LHFPL6: variants seen among roughly 807,000 people sequenced by gnomAD.
The protein encoded by LHFPL6 is LHFPL tetraspan subfamily member 6.
LHFPL6 carries 9 observed loss-of-function variants against 20.6 expected under a neutral mutation model. That is an observed-to-expected ratio of 0.44 (90% CI 0.26 to 0.76). LHFPL6 has a LOEUF of 0.76. LHFPL6 is among the 30% of genes least tolerant of loss of function. LHFPL6 has a pLI of 0.20. For synonymous variants in LHFPL6, 105 were observed against 98.7 expected, an observed-to-expected ratio of 1.06 and a Z score of -0.38; for missense variants, 218 against 253.5, an observed-to-expected ratio of 0.86 and a Z score of 0.95.
intron 2 of LHFPL6, among the ~76,000 whole-genome samples, chr13:39,598,587 GCT>G (rs899883926): frequency 6.6e-6 from 1 of 151,880 alleles, no homozygotes; most frequent in African/African-American, 2.4e-5. Flanking sequence ...ACAGAGTCTT[GCT>G]CTGTCGCCCA....
intron 2 of LHFPL6, among the ~76,000 whole-genome samples, chr13:39,544,353 T>C (rs979183006): frequency 6.6e-6 from 1 of 152,212 alleles, no homozygotes; most frequent in Admixed American, 6.5e-5. Context: ...TTTGACACCT[T>C]TCTAGCTCGT....
At chr13:39,510,159 C>T (rs935478718) in intron 2 of LHFPL6, among the ~76,000 whole-genome samples, 1 of 152,202 alleles carries the variant, frequency 6.6e-6, no homozygotes, top group Non-Finnish European at 1.5e-5. Flanking sequence ...ATATGCATTG[C>T]TCTGGAGTCC....
At position 39,386,612 on chromosome 13, in the gene LHFPL6, G is replaced by C. The variant is rs535549079; in HGVS notation, c.386-8086C>G. On this transcript the variant is annotated intron_variant, in intron 2 of 3. Transcript: ENST00000379589. ...ACCACCCATAATCTGAGTTCAACCA[G>C]AGACATGTTGTATTTGACCATCATC... is the stretch of plus-strand genomic sequence containing the variant. Among the ~76,000 whole-genome samples the C allele has an allele frequency of 2.0e-3, 307 of 152,314 alleles. 2 individuals are homozygous for C. Among genetic ancestry groups the C allele is most frequent in the African/African-American group, 6.8e-3 (281 of 41,568 alleles).
At position 39,360,419 on chromosome 13, in the gene LHFPL6, T is replaced by G. The variant is rs1426988217; in HGVS notation, c.485-16365A>C. Among the ~76,000 whole-genome samples the G allele has an allele frequency of 2.0e-5, 2 of 97,950 alleles. 1 individual carries two copies. Among genetic ancestry groups the G allele is most frequent in the African/African-American group, 6.0e-5 (2 of 33,404 alleles). The allele number at this position is 97,950 out of a possible 152,430, so 64.3% of individuals were successfully genotyped here. On this transcript the variant is annotated intron_variant, in intron 3 of 3. Coordinates refer to ENST00000379589, the MANE Select transcript of LHFPL6 (RefSeq NM_005780.3). ...TGCAGATGTGTTCATCAGTAAGAACTGACACACTCAAGCTATGGCATTAAG... is the reference window on the plus strand; with the variant it reads ...TGCAGATGTGTTCATCAGTAAGAACGGACACACTCAAGCTATGGCATTAAG...
intron 2 of LHFPL6, among the ~76,000 whole-genome samples, chr13:39,451,744 A>C (rs532318304): frequency 6.6e-6 from 1 of 152,362 alleles, no homozygotes; most frequent in Admixed American, 6.5e-5. Flanking sequence ...GGTTGAGCCA[A>C]ATAGATTCTC....
chr13:39,533,376 G>A (rs1055496272), intron 2 of LHFPL6, among the ~76,000 whole-genome samples: 1 of 152,158 alleles, frequency 6.6e-6, no homozygotes, highest in Non-Finnish European at 1.5e-5. Context: ...TTGAATCCAA[G>A]ATGGCAGCTC....
At chr13:39,459,657 T>TTATTTATCTCCCC (rs1325234535) in intron 2 of LHFPL6, among the ~76,000 whole-genome samples, 9 of 152,248 alleles carry the variant, frequency 5.9e-5, no homozygotes, top group Non-Finnish European at 1.0e-4. Context: ...TTATACACTC[T>TTATTTATCTCCCC]TATTTATCTC....
chr13:39,443,333 A>T (rs1872190400), intron 2 of LHFPL6, among the ~76,000 whole-genome samples: 2 of 152,194 alleles, frequency 1.3e-5, no homozygotes, highest in Non-Finnish European at 2.9e-5. Context: ...CTTAGCCTCC[A>T]GACCATGAGC....
intron 3 of LHFPL6, among the ~76,000 whole-genome samples, chr13:39,352,836 T>G (rs1869604546): frequency 8.0e-6 from 1 of 125,102 alleles, no homozygotes; most frequent in Non-Finnish European, 1.6e-5. Flanking sequence ...TATATATATG[T>G]GTATATATAT....
chr13:39,537,032 C>T (rs1250172781), intron 2 of LHFPL6, among the ~76,000 whole-genome samples: 24 of 152,210 alleles, frequency 1.6e-4, no homozygotes. Flanking sequence ...GGGCCTGTTC[C>T]TCTGCCCCTG....
At chr13:39,594,011 C>A (rs1872692516) in intron 2 of LHFPL6, among the ~76,000 whole-genome samples, 1 of 151,078 alleles carries the variant, frequency 6.6e-6, no homozygotes, top group Admixed American at 6.7e-5. Flanking sequence ...ACCATAAAAA[C>A]CCTAGAAGAA....
intron 2 of LHFPL6, among the ~76,000 whole-genome samples, chr13:39,454,200 A>G (rs549608836): frequency 1.6e-4 from 25 of 152,372 alleles, no homozygotes; most frequent in African/African-American, 6.0e-4. Context: ...CTATTTCTAT[A>G]GGACAGGTTA....
At chr13:39,425,688 C>A (rs1449274377) in intron 2 of LHFPL6, among the ~76,000 whole-genome samples, 1 of 152,084 alleles carries the variant, frequency 6.6e-6, no homozygotes, top group Non-Finnish European at 1.5e-5. Context: ...GATGAAGTGT[C>A]CAAATCTTTT....
chr13:39,423,510 A>G (rs1226187488), intron 2 of LHFPL6, among the ~76,000 whole-genome samples: 2 of 151,850 alleles, frequency 1.3e-5, no homozygotes, highest in Non-Finnish European at 2.9e-5. Context: ...TGCAACCTCC[A>G]TCTCTTGGGT....
intron 3 of LHFPL6, among the ~76,000 whole-genome samples, chr13:39,353,699 G>T (rs1423209899): frequency 6.6e-6 from 1 of 152,162 alleles, no homozygotes. Flanking sequence ...CTGAACTCCA[G>T]CCTGGGCAAC....
intron 2 of LHFPL6, among the ~76,000 whole-genome samples, chr13:39,424,897 T>C (rs1871597559): frequency 6.6e-6 from 1 of 152,196 alleles, no homozygotes; most frequent in Non-Finnish European, 1.5e-5. Flanking sequence ...TAAATTGTTT[T>C]AGACATTTTC....
At chr13:39,574,066 G>A (rs1488781782) in intron 2 of LHFPL6, among the ~76,000 whole-genome samples, 2 of 152,100 alleles carry the variant, frequency 1.3e-5, no homozygotes, top group East Asian at 1.9e-4. Flanking sequence ...AGATTTTGAC[G>A]CACCTGATCC....
chr13:39,447,870 A>G (rs1872334412), intron 2 of LHFPL6, among the ~76,000 whole-genome samples: 2 of 152,216 alleles, frequency 1.3e-5, no homozygotes, highest in Admixed American at 1.3e-4. Context: ...ATAAGGAGAA[A>G]CTATAAGGAA....
chr13:39,459,377 C>A (rs1315039065), intron 2 of LHFPL6, among the ~76,000 whole-genome samples: 2 of 151,926 alleles, frequency 1.3e-5, no homozygotes, highest in Admixed American at 1.3e-4. Flanking sequence ...CTTTCTCTCT[C>A]CTTCCCTTCT....
Sources: allele counts gnomAD v4.1 joint callset (sites outside exome capture counted in the v4.1 genomes callset), GRCh38; gene constraint gnomAD v4.1.1; transcripts MANE v1.5; gene names NCBI Gene and HGNC (gene_info 2026-07-23, HGNC 2026-07-21).